POFUT1: variants seen among roughly 807,000 people sequenced by gnomAD.
The protein encoded by POFUT1 is protein O-fucosyltransferase 1.
POFUT1 carries 16 observed loss-of-function variants against 42.4 expected under a neutral mutation model. The observed-to-expected ratio is 0.38, with a 90% confidence interval of 0.26 to 0.57. The LOEUF is 0.57. POFUT1 is among the 20% of genes least tolerant of loss of function. The pLI is 0.71. For missense variants in POFUT1, 470 were observed against 504.6 expected, an observed-to-expected ratio of 0.93 and a Z score of 0.66; for synonymous variants, 206 against 205.4, an observed-to-expected ratio of 1.00 and a Z score of -0.03.
At chr20:32,228,191 CT>C in intron 4 of POFUT1, 71 bp from the exon 5 acceptor site, 13 of 1,327,626 alleles carry the variant, frequency 9.8e-6, no homozygotes, top group Admixed American at 1.9e-5. Context: ...CAACACCATC[CT>C]TTTTCCCGTG....
Position 32,228,500 on chromosome 20 carries a change from C to T in POFUT1, c.735+45C>T, listed in dbSNP as rs1370607404. 3.9e-6 allele frequency: 6 copies of T among 1,555,352 alleles called. No individual in the cohort carries two copies. The Admixed American group carries it at 5.1e-5, about 13-fold the overall frequency. On this transcript the variant is annotated intron_variant, in intron 5 of 6. Transcript: ENST00000375749. ...CTCACTGGCTAACTTGGATGTGTCCCTGAGCATGGCCCTGGCCTGTAGGGA... is the reference window on the plus strand; with the variant it reads ...CTCACTGGCTAACTTGGATGTGTCCTTGAGCATGGCCCTGGCCTGTAGGGA...
intron 4 of POFUT1, among the ~76,000 whole-genome samples, chr20:32,227,453 C>T (rs1235180126): frequency 1.3e-5 from 2 of 152,108 alleles, no homozygotes; most frequent in African/African-American, 2.4e-5. Flanking sequence ...AGCCTGGAGG[C>T]GGAGATTGCA....
In POFUT1 at chr20:32,228,459, A is replaced by C; in HGVS notation, c.735+4A>C. The C allele has an allele frequency of 6.2e-7, 1 of 1,612,878 alleles. No homozygotes were observed. The highest frequency in any genetic ancestry group is 8.5e-7 in the Non-Finnish European group (1 of 1,179,170). ...TCTGCGCATTGGCTCTGACTGGGTA[A>C]CTTCCCCCTTCCTCTCTCACTGGCT... On this transcript the variant is annotated splice_donor_region_variant and intron_variant, in intron 5 of 6. Transcript: ENST00000375749.
At chr20:32,211,418 C>T (rs775530841) in intron 2 of POFUT1, among the ~76,000 whole-genome samples, 2 of 152,044 alleles carry the variant, frequency 1.3e-5, no homozygotes, top group African/African-American at 4.8e-5. Flanking sequence ...GGACTACAGG[C>T]GCACCACCAC....
chr20:32,211,279 A>ATTTT (rs11397120), intron 2 of POFUT1, among the ~76,000 whole-genome samples: 2 of 147,070 alleles, frequency 1.4e-5, no homozygotes, highest in African/African-American at 5.0e-5. Flanking sequence ...CGCACTCACT[A>ATTTT]TTTTTTTTTT....
At chr20:32,227,240 C>A (rs574080637) in intron 4 of POFUT1, among the ~76,000 whole-genome samples, 1 of 152,072 alleles carries the variant, frequency 6.6e-6, no homozygotes, top group Non-Finnish European at 1.5e-5. Flanking sequence ...AAGTATTGAC[C>A]GGGCGCGGTG....
intron 4 of POFUT1, chr20:32,217,727 G>T (rs915255909): frequency 2.0e-6 from 2 of 985,412 alleles, no homozygotes; most frequent in Non-Finnish European, 2.4e-6. Context: ...TTGGCTGTCA[G>T]TGTTATTACT....
At chr20:32,216,529 C>G (rs573390172) in intron 3 of POFUT1, 80 bp from the exon 4 acceptor site, 2 of 829,168 alleles carry the variant, frequency 2.4e-6, no homozygotes, top group South Asian at 2.9e-5. Flanking sequence ...CCCAGCTTCC[C>G]CCACCTACAC....
chr20:32,234,616 T>C lies in POFUT1; in HGVS notation c.1122T>C (p.Ser374=). ...RERDLQGRPS[S]FFGMDRPPKL... is the part of the protein sequence containing the mutation. Reference sequence around the variant, plus strand: ...GGGACCTCCAGGGGAGGCCGTCTTCTTTCTTCGGCATGGACAGGCCCCCTA... The same window carrying C: ...GGGACCTCCAGGGGAGGCCGTCTTCCTTCTTCGGCATGGACAGGCCCCCTA... The change falls in exon 7 of 7, where the codon TCT becomes TCC. Residue 374 remains serine, a synonymous_variant. Coordinates refer to ENST00000375749, the MANE Select transcript of POFUT1 (RefSeq NM_015352.2). 1 of 1,613,878 alleles carries C rather than the reference T, an allele frequency of 6.2e-7. No homozygotes were observed. The highest frequency in any genetic ancestry group is 8.5e-7 in the Non-Finnish European group (1 of 1,179,852).
At chr20:32,215,873 C>T (rs962154562) in intron 3 of POFUT1, among the ~76,000 whole-genome samples, 1 of 152,106 alleles carries the variant, frequency 6.6e-6, no homozygotes, top group African/African-American at 2.4e-5. Flanking sequence ...TTATAATATC[C>T]CCACTTCATA....
intron 4 of POFUT1, among the ~76,000 whole-genome samples, chr20:32,218,879 G>A (rs145812704): frequency 5.5e-4 from 84 of 152,344 alleles, no homozygotes; most frequent in Middle Eastern, 3.4e-3. Context: ...TTGCCCCATA[G>A]CTTTGTTTGA....
rs972583337 is a variant in POFUT1 at position 32,235,654 on chromosome 20, A to G, written c.*993A>G. On this transcript the variant is annotated 3_prime_UTR_variant, in exon 7 of 7. Transcript: ENST00000375749. ...CCATCAGAATTATCAGTGGAGAAGC[A>G]CCTTTTGACTCTTCCCTTCCAATGT... The G allele has an allele frequency of 7.2e-5, 11 of 152,242 alleles. No homozygotes were observed. Among genetic ancestry groups the G allele is most frequent in the African/African-American group, 2.7e-4 (11 of 41,454 alleles). The allele number at this position is 152,242 out of a possible 1,614,324, so 9.4% of individuals were successfully genotyped here.
chr20:32,216,778 A>T (rs1249196525), intron 4 of POFUT1, 57 bp downstream of exon 4: 13 of 1,385,860 alleles, frequency 9.4e-6, no homozygotes, highest in African/African-American at 1.4e-5. Flanking sequence ...GCTCATGAGC[A>T]TTCAGCACCT....
rs761044051 is a variant in POFUT1, at chr20:32,215,464, G to A, written c.429+13G>A. The A allele has an allele frequency of 9.4e-6, 15 of 1,596,328 alleles. No homozygotes were observed. The highest frequency in any genetic ancestry group is 1.3e-5 in the Non-Finnish European group (15 of 1,166,942). On this transcript the variant is annotated intron_variant, in intron 3 of 6. Coordinates refer to ENST00000375749, the MANE Select transcript of POFUT1 (RefSeq NM_015352.2). ...GTGCCCCATGAAGGTGGGTCCTGTG[G>A]GTTCGGGGGCCCTTTCTTCCTGTTC...
rs74744161 is a variant in POFUT1 at position 32,230,711 on chromosome 20, T to A, written c.736-108T>A. 2.4e-5 allele frequency: 28 copies of A among 1,166,996 alleles called. No individual in the cohort carries two copies. In the Admixed American group the frequency reaches 6.0e-4, roughly 25 times the overall value. The allele number at this position is 1,166,996 out of a possible 1,614,324, so 72.3% of individuals were successfully genotyped here. A position where few individuals can be genotyped will look rare whatever the true frequency, so the allele number is the denominator to read the frequency against. ...CTCCGTCTCAAAAAAAAAAAAAAAA[T>A]GTAGTTAGGTTCTTCCTGTATAGCC... is the stretch of plus-strand genomic sequence containing the variant. On this transcript the variant is annotated intron_variant, in intron 5 of 6. Transcript: ENST00000375749.
Position 32,234,822 on chromosome 20 carries a change from G to A in POFUT1, c.*161G>A, listed in dbSNP as rs59745045. ...CCAGGGACCCCTCAAGGAGGGAGAC[G>A]CTCCATATCCCAGGGCATAGGACTT... On this transcript the variant is annotated 3_prime_UTR_variant, in exon 7 of 7. Coordinates refer to ENST00000375749, the MANE Select transcript of POFUT1 (RefSeq NM_015352.2). 2,546 of 609,140 alleles carry A rather than the reference G, an allele frequency of 4.2e-3. 46 individuals are homozygous for A. Among genetic ancestry groups the A allele is most frequent in the African/African-American group, 0.039 (2,091 of 53,894 alleles). The allele number at this position is 609,140 out of a possible 1,614,324, so 37.7% of individuals were successfully genotyped here.
Position 32,234,639 on chromosome 20 carries a change from C to T in POFUT1, c.1145C>T (p.Pro382Leu). The T allele has an allele frequency of 6.2e-7, 1 of 1,611,312 alleles. No homozygotes were observed. Among genetic ancestry groups the T allele is most frequent in the Non-Finnish European group, 8.5e-7 (1 of 1,178,468 alleles). Residue 382 changes from proline (P) to leucine (L), a missense_variant, in exon 7 of 7, where the codon CCT becomes CTT. Transcript: ENST00000375749. Reference sequence around the variant, plus strand: ...TCTTTCTTCGGCATGGACAGGCCCCCTAAGCTGCGGGACGAGTTCTGATTC... The same window carrying T: ...TCTTTCTTCGGCATGGACAGGCCCCTTAAGCTGCGGGACGAGTTCTGATTC... ...PSSFFGMDRPPKLRDEF is the reference protein window; with the variant it reads ...PSSFFGMDRPLKLRDEF
At chr20:32,216,408 T>A (rs2047360427) in intron 3 of POFUT1, among the ~76,000 whole-genome samples, 1 of 152,226 alleles carries the variant, frequency 6.6e-6, no homozygotes, top group African/African-American at 2.4e-5. Flanking sequence ...ACTCTCCTGC[T>A]GGAATCCAGA....
Position 32,230,825 on chromosome 20 carries a change from G to T in POFUT1, c.742G>T (p.Ala248Ser), listed in dbSNP as rs775979788. 8.7e-6 allele frequency: 14 copies of T among 1,613,346 alleles called. No homozygotes were observed. Among genetic ancestry groups the T allele is most frequent in the Non-Finnish European group, 1.2e-5 (14 of 1,180,026 alleles). Residue 248 changes from alanine (A) to serine (S), a missense_variant, in exon 6 of 7, where the codon GCC (alanine) becomes TCC (serine). Transcript: ENST00000375749. Reference sequence around the variant, plus strand: ...TGTTCCCCGCTCTCCGTAGAAGAACGCCTGTGCCATGCTGAAGGACGGGAC... The same window carrying T: ...TGTTCCCCGCTCTCCGTAGAAGAACTCCTGTGCCATGCTGAAGGACGGGAC... ...HLRIGSDWKN[A>S]CAMLKDGTAG... is the part of the protein sequence containing the mutation.
Sources: gnomAD v4.1 joint callset for allele counts (sites outside exome capture counted in the v4.1 genomes callset) on GRCh38, gnomAD v4.1.1 for gene constraint, MANE v1.5 for transcripts, NCBI Gene and HGNC (gene_info 2026-07-23, HGNC 2026-07-21) for gene names.